The following TGFBRAP1 variants were observed in gnomAD, a reference collection of about 807,000 sequenced individuals.
TGFBRAP1 encodes the protein transforming growth factor-beta receptor-associated protein 1.
A neutral mutation model predicts 83.2 loss-of-function variants in TGFBRAP1; 20 were observed. That is an observed-to-expected ratio of 0.24 (90% confidence interval 0.17 to 0.35). The LOEUF (loss-of-function observed/expected upper bound fraction) is 0.35, where lower values mean the gene tolerates loss of function less well. TGFBRAP1 is among the 10% of genes least tolerant of loss of function. TGFBRAP1 has a pLI of 1.00. For synonymous variants in TGFBRAP1, 415 were observed against 459.8 expected (o/e 0.90, Z 1.25); for missense variants, 950 against 1,099.4 (o/e 0.86, Z 1.92).
chr2:105,261,759 G>T (rs1158708799), downstream of TGFBRAP1, among the ~76,000 whole-genome samples: 1 of 152,006 alleles, frequency 6.6e-6, no homozygotes, highest in Non-Finnish European at 1.5e-5. Flanking sequence ...CTCAAAAAAG[G>T]ACAGGACAGG....
At chr2:105,262,061 A>T (rs1676800471), downstream of TGFBRAP1, among the ~76,000 whole-genome samples, 2 of 152,106 alleles carry the variant, frequency 1.3e-5, no homozygotes, top group African/African-American at 4.8e-5. Context: ...GAAGACTGAG[A>T]CCACACTGCT....
intron 5 of TGFBRAP1, among the ~76,000 whole-genome samples, chr2:105,283,291 T>C (rs986185552): frequency 1.3e-5 from 2 of 152,318 alleles, no homozygotes; most frequent in South Asian, 2.1e-4. Flanking sequence ...CTACAACCGA[T>C]TGTGTAACTG....
downstream of TGFBRAP1, among the ~76,000 whole-genome samples, chr2:105,262,521 T>C (rs565450253): frequency 2.0e-5 from 3 of 152,322 alleles, no homozygotes; most frequent in South Asian, 6.2e-4. Context: ...ACCTTTTCTT[T>C]ATAAACTATC....
chr2:105,320,177 A>G (rs1011451529), intron 1 of TGFBRAP1, among the ~76,000 whole-genome samples: 1 of 152,116 alleles, frequency 6.6e-6, no homozygotes, highest in African/African-American at 2.4e-5. Context: ...CACATTTTCT[A>G]ATTACTTCAC....
At chr2:105,273,105 C>A in intron 9 of TGFBRAP1, 91 bp from the exon 10 acceptor site, 1 of 1,500,678 alleles carries the variant, frequency 6.7e-7, no homozygotes. Context: ...TTGGAGACCG[C>A]GGCTGCACTG....
chr2:105,258,479 T>G, the TGFBRAP1 span, among the ~76,000 whole-genome samples: 1 of 152,136 alleles, frequency 6.6e-6, no homozygotes, highest in South Asian at 2.1e-4. Context: ...GCCTTTTTTT[T>G]TTTCTTAACT....
chr2:105,308,928 T>C (rs534957237), intron 1 of TGFBRAP1, among the ~76,000 whole-genome samples: 1 of 152,302 alleles, frequency 6.6e-6, no homozygotes, highest in Non-Finnish European at 1.5e-5. Context: ...TGGATTCCTT[T>C]GTGTTCTTCC....
At chr2:105,309,547 G>T (rs1254332676) in intron 1 of TGFBRAP1, among the ~76,000 whole-genome samples, 1 of 152,146 alleles carries the variant, frequency 6.6e-6, no homozygotes, top group Non-Finnish European at 1.5e-5. Context: ...CTTCTTTGGT[G>T]CCTTTCAAAT....
Position 105,264,681 on chromosome 2 carries a change from G to A in TGFBRAP1, c.*2702C>T, listed in dbSNP as rs1004619902. On this transcript the variant is annotated 3_prime_UTR_variant, in exon 12 of 12. Coordinates refer to ENST00000393359, the MANE Select transcript of TGFBRAP1 (RefSeq NM_004257.6). ...AAGTGAGAAGCACATGTAAGCACGC[G>A]TCAGTGAGAGCGTCGCAGTTGAACT... 1.3e-5 allele frequency: 2 copies of A among 152,394 alleles called. No individual in the cohort carries two copies. Among genetic ancestry groups the A allele is most frequent in the East Asian group, 1.9e-4 (1 of 5,192 alleles). The allele number at this position is 152,394 out of a possible 1,614,324, so 9.4% of individuals were successfully genotyped here.
the TGFBRAP1 span, among the ~76,000 whole-genome samples, chr2:105,252,409 G>A: frequency 5.9e-5 from 9 of 152,332 alleles, no homozygotes; most frequent in Non-Finnish European, 1.0e-4. Flanking sequence ...GGCTCTTGGG[G>A]AGCAGCCAGT....
intron 4 of TGFBRAP1, among the ~76,000 whole-genome samples, chr2:105,290,475 T>G (rs772208434): frequency 2.0e-4 from 31 of 152,164 alleles, no homozygotes; most frequent in Non-Finnish European, 4.4e-4. Flanking sequence ...AAATTAGCCC[T>G]CTTTTTGTGC....
chr2:105,299,021 G>A (rs1423346968), intron 2 of TGFBRAP1, among the ~76,000 whole-genome samples: 2 of 152,206 alleles, frequency 1.3e-5, no homozygotes, highest in Non-Finnish European at 2.9e-5. Context: ...GCTCACACCT[G>A]TAATCCCAAC....
chr2:105,262,152 C>A (rs1490929267), downstream of TGFBRAP1, among the ~76,000 whole-genome samples: 1 of 152,192 alleles, frequency 6.6e-6, no homozygotes, highest in Non-Finnish European at 1.5e-5. Flanking sequence ...CCACCTCCTG[C>A]TTATGGACGA....
chr2:105,287,819 A>C (rs1370388816), intron 4 of TGFBRAP1, among the ~76,000 whole-genome samples: 1 of 152,062 alleles, frequency 6.6e-6, no homozygotes, highest in Non-Finnish European at 1.5e-5. Context: ...CTCTGTGAGT[A>C]ATGGAGGGAG....
chr2:105,267,672 T>G, intron 11 of TGFBRAP1, 113 bp from the exon 12 acceptor site: 3 of 1,504,112 alleles, frequency 2.0e-6, no homozygotes, highest in Non-Finnish European at 2.7e-6. Context: ...ATTATTATGA[T>G]GAGGATTTCT....
intron 1 of TGFBRAP1, among the ~76,000 whole-genome samples, chr2:105,316,844 G>C (rs1019221518): frequency 6.6e-6 from 1 of 151,418 alleles, no homozygotes; most frequent in African/African-American, 2.4e-5. Context: ...ATGGCAGAAA[G>C]GGCCAGAAAA....
intron 8 of TGFBRAP1, 49 bp downstream of exon 8, chr2:105,275,511 T>G: frequency 6.2e-7 from 1 of 1,605,596 alleles, no homozygotes; most frequent in Non-Finnish European, 8.5e-7. Context: ...GGGGTCTGTT[T>G]TTACCACCTC....
intron 1 of TGFBRAP1, among the ~76,000 whole-genome samples, chr2:105,310,976 A>G (rs886609409): frequency 5.3e-4 from 80 of 152,168 alleles, no homozygotes; most frequent in Non-Finnish European, 7.3e-5. Context: ...AACTCCTTTT[A>G]TTTAGCTTCT....
At chr2:105,270,325 C>T (rs750107052) in intron 10 of TGFBRAP1, among the ~76,000 whole-genome samples, 2 of 152,152 alleles carry the variant, frequency 1.3e-5, no homozygotes, top group African/African-American at 2.4e-5. Flanking sequence ...TAACCCAAAG[C>T]GTCATTCCTG....
Sources: allele counts gnomAD v4.1 joint callset (sites outside exome capture counted in the v4.1 genomes callset), GRCh38; gene constraint gnomAD v4.1.1; transcripts MANE v1.5; gene names NCBI Gene and HGNC (gene_info 2026-07-23, HGNC 2026-07-21).